Variants in SLC35F1 observed in about 807,000 individuals in gnomAD.
The protein encoded by SLC35F1 is chromosome 6 open reading frame 169.
SLC35F1 carries 14 observed loss-of-function variants against 48.7 expected under a neutral mutation model. That is an observed-to-expected ratio of 0.29 (90% CI 0.19 to 0.45). The LOEUF is 0.45. Among genes scored for constraint, SLC35F1 ranks in the 20% least tolerant of loss-of-function variants. The pLI, the probability that SLC35F1 is intolerant of heterozygous loss-of-function variation, is 1.00. For synonymous variants in SLC35F1, 190 were observed against 202.2 expected, an observed-to-expected ratio of 0.94 and a Z score of 0.51; for missense variants, 404 against 500.0, an observed-to-expected ratio of 0.81 and a Z score of 1.83.
At chr6:118,144,586 T>TGA (rs1773942732) in intron 1 of SLC35F1, among the ~76,000 whole-genome samples, 1 of 130,016 alleles carries the variant, frequency 7.7e-6, no homozygotes, top group Admixed American at 7.4e-5. Flanking sequence ...ATCCCAGAAC[T>TGA]TAAAAAAAAA....
At chr6:118,266,891 G>A (rs1775779993) in intron 3 of SLC35F1, 104 bp from the exon 4 acceptor site, 10 of 1,285,420 alleles carry the variant, frequency 7.8e-6, no homozygotes, top group East Asian at 4.7e-5. Context: ...CAGGTTCAGG[G>A]GAAAGGCAGA....
intron 7 of SLC35F1, among the ~76,000 whole-genome samples, chr6:118,294,529 C>CTTAA (rs1420853489): frequency 6.6e-6 from 1 of 152,152 alleles, no homozygotes; most frequent in Non-Finnish European, 1.5e-5. Context: ...CATGTCAAGG[C>CTTAA]TTAATATTGC....
At chr6:117,909,666 A>T (rs552772001) in intron 1 of SLC35F1, among the ~76,000 whole-genome samples, 1 of 152,350 alleles carries the variant, frequency 6.6e-6, no homozygotes, top group South Asian at 2.1e-4. Context: ...TGAGAATTAG[A>T]TAATGCTGAA....
chr6:118,061,591 T>TATAG (rs765507432), intron 1 of SLC35F1, among the ~76,000 whole-genome samples: 4 of 144,842 alleles, frequency 2.8e-5, no homozygotes, highest in Non-Finnish European at 6.1e-5. Context: ...TGTGTGTGTG[T>TATAG]ATATATATAT....
chr6:118,022,991 C>G (rs185351731), intron 1 of SLC35F1, among the ~76,000 whole-genome samples: 207 of 152,144 alleles, frequency 1.4e-3, no homozygotes, highest in African/African-American at 4.8e-3. Flanking sequence ...ATCTCCTGAT[C>G]TCATGATCCG....
At chr6:118,139,198 C>T (rs1157824037) in intron 1 of SLC35F1, among the ~76,000 whole-genome samples, 1 of 152,098 alleles carries the variant, frequency 6.6e-6, no homozygotes, top group East Asian at 1.9e-4. Context: ...CTGCAAGCTC[C>T]ATCTCCCGGG....
chr6:117,980,909 A>G (rs1776768411), intron 1 of SLC35F1, among the ~76,000 whole-genome samples: 1 of 152,196 alleles, frequency 6.6e-6, no homozygotes, highest in African/African-American at 2.4e-5. Context: ...GGCAACAGGG[A>G]ACCCTGGGTG....
At chr6:118,253,876 T>C (rs1216902671) in intron 3 of SLC35F1, among the ~76,000 whole-genome samples, 4 of 151,988 alleles carry the variant, frequency 2.6e-5, no homozygotes, top group African/African-American at 9.7e-5. Context: ...TAGATTGATC[T>C]TCACAGGCTG....
chr6:117,954,249 T>C (rs751868146), intron 1 of SLC35F1, among the ~76,000 whole-genome samples: 3 of 151,814 alleles, frequency 2.0e-5, no homozygotes, highest in Non-Finnish European at 2.9e-5. Flanking sequence ...CAAGAGTTTG[T>C]TTTTTTTCTT....
intron 1 of SLC35F1, among the ~76,000 whole-genome samples, chr6:118,039,452 A>G (rs945483503): frequency 1.3e-5 from 2 of 151,844 alleles, no homozygotes; most frequent in Admixed American, 6.6e-5. Flanking sequence ...TTCTATTTCA[A>G]TATCTTTCTC....
At chr6:117,999,654 C>T (rs1777060418) in intron 1 of SLC35F1, among the ~76,000 whole-genome samples, 1 of 151,328 alleles carries the variant, frequency 6.6e-6, no homozygotes, top group South Asian at 2.1e-4. Context: ...ATTAATGAAT[C>T]CAGGAGCTGG....
chr6:118,279,926 G>A (rs1318508530), intron 6 of SLC35F1, among the ~76,000 whole-genome samples: 1 of 152,200 alleles, frequency 6.6e-6, no homozygotes, highest in Non-Finnish European at 1.5e-5. Context: ...TTTTATCAAA[G>A]TGGAAAGATG....
intron 7 of SLC35F1, among the ~76,000 whole-genome samples, chr6:118,305,792 T>C (rs1166105269): frequency 1.3e-5 from 2 of 152,232 alleles, no homozygotes. Context: ...AAGGAAGAAC[T>C]ATTTATGACA....
At chr6:118,245,168 A>G (rs1317186455) in intron 3 of SLC35F1, among the ~76,000 whole-genome samples, 2 of 152,226 alleles carry the variant, frequency 1.3e-5, no homozygotes, top group African/African-American at 4.8e-5. Flanking sequence ...TTTATATTCT[A>G]TAATCGATCT....
At chr6:118,214,681 C>T (rs1241315058) in intron 2 of SLC35F1, among the ~76,000 whole-genome samples, 2 of 152,134 alleles carry the variant, frequency 1.3e-5, no homozygotes, top group Non-Finnish European at 2.9e-5. Context: ...ATTGTCAGCT[C>T]TGGGTCCAGG....
At chr6:117,952,847 G>A (rs1313912672) in intron 1 of SLC35F1, among the ~76,000 whole-genome samples, 1 of 152,130 alleles carries the variant, frequency 6.6e-6, no homozygotes, top group Non-Finnish European at 1.5e-5. Flanking sequence ...AACCTAATTT[G>A]GGGAAAAACT....
At chr6:118,000,523 C>G (rs1267533256) in intron 1 of SLC35F1, among the ~76,000 whole-genome samples, 2 of 152,162 alleles carry the variant, frequency 1.3e-5, no homozygotes, top group Non-Finnish European at 2.9e-5. Flanking sequence ...GAAGCATTCC[C>G]TTTGAAAACT....
intron 2 of SLC35F1, among the ~76,000 whole-genome samples, chr6:118,234,669 T>C (rs1582744117): frequency 6.6e-6 from 1 of 152,216 alleles, no homozygotes; most frequent in African/African-American, 2.4e-5. Context: ...GATATCTTGT[T>C]ACACAGCCAT....
chr6:118,301,740 G>T (rs955909565), intron 7 of SLC35F1, among the ~76,000 whole-genome samples: 3 of 152,076 alleles, frequency 2.0e-5, no homozygotes, highest in Non-Finnish European at 2.9e-5. Flanking sequence ...AATATTTTAG[G>T]CTTTGCAGGC....
Sources: allele counts gnomAD v4.1 joint callset (sites outside exome capture counted in the v4.1 genomes callset), GRCh38; gene constraint gnomAD v4.1.1; transcripts MANE v1.5; gene names NCBI Gene and HGNC (gene_info 2026-07-23, HGNC 2026-07-21).